Variants in JPH1 observed in about 807,000 individuals in gnomAD.
JPH1 encodes the protein junctophilin 1.
JPH1 carries 12 observed loss-of-function variants against 53.6 expected under a neutral mutation model. The ratio of observed to expected loss-of-function variants is 0.22; its 90% CI spans 0.14 to 0.36. JPH1 has a LOEUF of 0.36. JPH1 is among the 10% of genes least tolerant of loss of function. The pLI is 1.00. For synonymous variants in JPH1, 375 were observed against 363.8 expected (o/e 1.03, Z -0.35); for missense variants, 808 against 905.5 (o/e 0.89, Z 1.38).
intron 2 of JPH1, among the ~76,000 whole-genome samples, chr8:74,296,865 T>C (rs920768136): frequency 6.6e-6 from 1 of 152,144 alleles, no homozygotes; most frequent in African/African-American, 2.4e-5. Flanking sequence ...CTTCTTAACC[T>C]CCATGGCTTG....
chr8:74,244,415 G>T, intron 4 of JPH1, 114 bp downstream of exon 4: 1 of 1,145,352 alleles, frequency 8.7e-7, no homozygotes, highest in Non-Finnish European at 1.2e-6. Context: ...ACAACCCTGT[G>T]CTTCTAGAAC....
chr8:74,266,717 A>G (rs1052556699), intron 2 of JPH1, among the ~76,000 whole-genome samples: 5 of 152,202 alleles, frequency 3.3e-5, no homozygotes, highest in Admixed American at 3.3e-4. Flanking sequence ...AAAATAAAAG[A>G]AAGTCACCTA....
intron 4 of JPH1, among the ~76,000 whole-genome samples, chr8:74,239,484 T>C (rs1193119758): frequency 6.6e-6 from 1 of 152,236 alleles, no homozygotes; most frequent in African/African-American, 2.4e-5. Context: ...ACTGCTCTTT[T>C]AGAATAGTTG....
chr8:74,320,855 A>C lies in JPH1; in HGVS notation c.379+54T>G. Reference sequence around the variant, plus strand: ...CTCCCCGCTTCCCCGCAGCCGGGGCAGAGCCCACCGCACCAGCTCGCGGAG... The same window carrying C: ...CTCCCCGCTTCCCCGCAGCCGGGGCCGAGCCCACCGCACCAGCTCGCGGAG... On this transcript the variant is annotated intron_variant, in intron 1 of 5. Coordinates refer to ENST00000342232, the MANE Select transcript of JPH1 (RefSeq NM_020647.4). The surrounding 1 kb of genome is among the most constrained non-coding windows in gnomAD (Gnocchi z 4.4). The C allele has an allele frequency of 6.9e-7, 1 of 1,448,674 alleles. No homozygotes were observed. The highest frequency in any genetic ancestry group is 9.1e-7 in the Non-Finnish European group (1 of 1,102,146). 89.7% of individuals were successfully genotyped at this position (1,448,674 alleles called of 1,614,324 possible).
intron 2 of JPH1, among the ~76,000 whole-genome samples, chr8:74,278,042 G>A (rs1419223641): frequency 6.6e-6 from 1 of 152,134 alleles, no homozygotes; most frequent in East Asian, 1.9e-4. Flanking sequence ...TAAACAAAAA[G>A]AGGCAATATA....
intron 2 of JPH1, among the ~76,000 whole-genome samples, chr8:74,283,542 G>A (rs1807073746): frequency 6.6e-6 from 1 of 152,174 alleles, no homozygotes; most frequent in African/African-American, 2.4e-5. Context: ...AGGTGAGAAG[G>A]AGGAAAGATG....
rs568662082 is a variant in JPH1 at position 74,298,349 on chromosome 8, T to C, written c.1139+16512A>G. On this transcript the variant is annotated intron_variant, in intron 2 of 5. Coordinates refer to ENST00000342232, the MANE Select transcript of JPH1 (RefSeq NM_020647.4). ...GTTGTATACAAGATGGGTTTTCCTT[T>C]ACAAATTTCAAGGGTGCAGTTCTTT... Among the ~76,000 whole-genome samples, 3 of 152,340 alleles carry C rather than the reference T, an allele frequency of 2.0e-5. No individual in the cohort carries two copies. In the South Asian group the frequency reaches 6.2e-4, roughly 32 times the overall value.
At chr8:74,256,904 G>T (rs1286028102) in intron 3 of JPH1, among the ~76,000 whole-genome samples, 2 of 152,298 alleles carry the variant, frequency 1.3e-5, no homozygotes, top group East Asian at 3.9e-4. Flanking sequence ...TTATTCCAGG[G>T]TTAACAACTT....
At chr8:74,276,543 T>C (rs998994778) in intron 2 of JPH1, among the ~76,000 whole-genome samples, 21 of 152,328 alleles carry the variant, frequency 1.4e-4, no homozygotes, top group African/African-American at 4.6e-4. Context: ...CAAATAAGTA[T>C]TGACAATAAT....
At chr8:74,254,169 G>A (rs1806149627) in intron 3 of JPH1, among the ~76,000 whole-genome samples, 1 of 152,086 alleles carries the variant, frequency 6.6e-6, no homozygotes, top group Non-Finnish European at 1.5e-5. Context: ...ACCGAATCCA[G>A]CAACACATCA....
chr8:74,249,092 A>T (rs981988867), intron 3 of JPH1, among the ~76,000 whole-genome samples: 6 of 152,114 alleles, frequency 3.9e-5, no homozygotes, highest in African/African-American at 1.4e-4. Context: ...CCAACACTCA[A>T]AGGTTACTCG....
chr8:74,282,007 A>G (rs1807029047), intron 2 of JPH1, among the ~76,000 whole-genome samples: 1 of 152,236 alleles, frequency 6.6e-6, no homozygotes, highest in Admixed American at 6.5e-5. Flanking sequence ...CAAATGTTCC[A>G]TAGTTCCCTG....
intron 2 of JPH1, among the ~76,000 whole-genome samples, chr8:74,287,971 C>A (rs1807218366): frequency 6.8e-6 from 1 of 146,194 alleles, no homozygotes; most frequent in South Asian, 2.1e-4. Context: ...TTTTTTTTTT[C>A]AGCTAGAAAA....
intron 3 of JPH1, among the ~76,000 whole-genome samples, chr8:74,256,786 C>T (rs1435767350): frequency 6.6e-6 from 1 of 152,100 alleles, no homozygotes; most frequent in African/African-American, 2.4e-5. Context: ...TTAAACTAAA[C>T]AACATAAGAT....
intron 2 of JPH1, among the ~76,000 whole-genome samples, chr8:74,272,501 G>A (rs1478445151): frequency 6.6e-6 from 1 of 151,470 alleles, no homozygotes; most frequent in African/African-American, 2.4e-5. Flanking sequence ...GCTTTTCCGA[G>A]ACGTCATAGT....
intron 2 of JPH1, among the ~76,000 whole-genome samples, chr8:74,306,888 C>T (rs551419181): frequency 7.2e-5 from 11 of 152,052 alleles, no homozygotes; most frequent in South Asian, 6.3e-4. Context: ...TGAGCCACCA[C>T]GCCCGGCCTA....
intron 2 of JPH1, among the ~76,000 whole-genome samples, chr8:74,300,239 TAGA>T (rs1467408324): frequency 6.6e-6 from 1 of 152,262 alleles, no homozygotes; most frequent in African/African-American, 2.4e-5. Flanking sequence ...TGTTAATTCC[TAGA>T]AGACTAGCCA....
chr8:74,283,014 T>C (rs1430161510), intron 2 of JPH1, among the ~76,000 whole-genome samples: 5 of 152,184 alleles, frequency 3.3e-5, no homozygotes, highest in Non-Finnish European at 4.4e-5. Flanking sequence ...ATGAAGGGCA[T>C]CTTGACTTTT....
In JPH1 at chr8:74,321,347, G is replaced by T; in HGVS notation, c.-60C>A. ...CACGGACGCGGGCAGTGCTGGGCAC[G>T]GCAGGGTGTAGCTCGGGGGTGGGGG... On this transcript the variant is annotated 5_prime_UTR_variant, in exon 1 of 6. Coordinates refer to ENST00000342232, the MANE Select transcript of JPH1 (RefSeq NM_020647.4). The surrounding 1 kb of genome is among the most constrained non-coding windows in gnomAD (Gnocchi z 4.3). 1 of 1,435,902 alleles carries T rather than the reference G, an allele frequency of 7.0e-7. No individual in the cohort carries two copies. Among genetic ancestry groups the T allele is most frequent in the Non-Finnish European group, 9.1e-7 (1 of 1,096,972 alleles). The allele number at this position is 1,435,902 out of a possible 1,614,324, so 88.9% of individuals were successfully genotyped here. A position where few individuals can be genotyped will look rare whatever the true frequency, so the allele number is the denominator to read the frequency against.
Sources: gnomAD v4.1 joint callset for allele counts (sites outside exome capture counted in the v4.1 genomes callset) on GRCh38, gnomAD v4.1.1 for gene constraint, Gnocchi (gnomAD v3.1) non-coding constraint, MANE v1.5 for transcripts, NCBI Gene and HGNC (gene_info 2026-07-23, HGNC 2026-07-21) for gene names.